The following KDM2A variants were observed in gnomAD, a reference collection of about 807,000 sequenced individuals.
The protein encoded by KDM2A is lysine-specific demethylase 2A.
Under a neutral mutation model 137.3 loss-of-function variants are expected in KDM2A, and 3 were observed. The observed-to-expected ratio is 0.02, with a 90% CI of 0.01 to 0.06. The LOEUF (loss-of-function observed/expected upper bound fraction) is 0.06. KDM2A is among the 10% of genes least tolerant of loss of function. The pLI is 1.00. For missense variants in KDM2A, 738 were observed against 1,510.6 expected, an observed-to-expected ratio of 0.49 and a Z score of 8.48; for synonymous variants, 512 against 541.5, an observed-to-expected ratio of 0.95 and a Z score of 0.76.
chr11:67,152,752 T>TA (rs1856422536), intron 2 of KDM2A, among the ~76,000 whole-genome samples: 1 of 152,228 alleles, frequency 6.6e-6, no homozygotes, highest in African/African-American at 2.4e-5. Context: ...TAGAATTTCA[T>TA]ATGGATCATT....
chr11:67,231,991 C>G, intron 12 of KDM2A, 31 bp downstream of exon 12: 1 of 1,570,574 alleles, frequency 6.4e-7, no homozygotes, highest in Non-Finnish European at 8.6e-7. Flanking sequence ...ATGACAGCTA[C>G]TGATCCAGCT....
intron 17 of KDM2A, chr11:67,252,331 C>T: frequency 4.1e-6 from 1 of 243,120 alleles, no homozygotes. Context: ...CTTCAAGAGG[C>T]TCCCTTATAT....
At chr11:67,156,645 G>T (rs921341580) in intron 2 of KDM2A, among the ~76,000 whole-genome samples, 1 of 151,452 alleles carries the variant, frequency 6.6e-6, no homozygotes, top group Non-Finnish European at 1.5e-5. Context: ...CGTGAACCCG[G>T]GAGGCTGAGC....
chr11:67,242,275 T>C (rs2136444642), intron 12 of KDM2A, among the ~76,000 whole-genome samples: 1 of 70,176 alleles, frequency 1.4e-5, no homozygotes, highest in African/African-American at 7.4e-5. Context: ...TGTGGGTGTG[T>C]GTATGTGTGT....
At chr11:67,125,955 A>T (rs1003184194) in intron 2 of KDM2A, among the ~76,000 whole-genome samples, 3 of 150,122 alleles carry the variant, frequency 2.0e-5, no homozygotes, top group Non-Finnish European at 3.0e-5. Context: ...AAAAAAAAAA[A>T]AAAAAAAAGG....
At chr11:67,153,813 C>CAA (rs199567529) in intron 2 of KDM2A, among the ~76,000 whole-genome samples, 72 of 79,524 alleles carry the variant, frequency 9.1e-4, no homozygotes, top group African/African-American at 2.2e-3. Context: ...GACCCTGTCT[C>CAA]AAAAAAAAAA....
rs751408295 is a variant in KDM2A, at chr11:67,254,913, G to A, written c.3347G>A (p.Arg1116Gln). Residue 1116 changes from arginine (R) to glutamine (Q), a missense_variant, in exon 21 of 21, where the codon CGG becomes CAG. By Grantham distance (43) the Arg-to-Gln change is conservative. Around this residue, in one of 9 missense-constraint regions of KDM2A, gnomAD observed 166 missense variants for 324.0 expected, o/e 0.51. Transcript: ENST00000529006. This position sits in a 1 kb window ranked among gnomAD's most constrained non-coding sequence, Gnocchi z 4.7. ...ACAGACCAGACCCTGATCTACCTAC[G>A]GCGCATTGCCAACGTCACCTTGATC... Reference protein sequence around the residue: ...KLTDQTLIYLRRIANVTLIDL... With the variant: ...KLTDQTLIYLQRIANVTLIDL... 8.1e-6 allele frequency: 13 copies of A among 1,613,828 alleles called. No individual in the cohort carries two copies. The highest frequency in any genetic ancestry group is 9.3e-6 in the Non-Finnish European group (11 of 1,179,892).
chr11:67,205,176 A>T (rs1565402956), intron 5 of KDM2A, among the ~76,000 whole-genome samples: 2 of 152,056 alleles, frequency 1.3e-5, no homozygotes, highest in Admixed American at 1.3e-4. Context: ...ATTATTTTCC[A>T]TTTTTTAAAT....
chr11:67,130,576 CA>C (rs1855830488), intron 2 of KDM2A, among the ~76,000 whole-genome samples: 1 of 152,072 alleles, frequency 6.6e-6, no homozygotes, highest in Non-Finnish European at 1.5e-5. Flanking sequence ...GTTATTAAGT[CA>C]AGGAATTGAT....
At chr11:67,138,122 C>T (rs865957678) in intron 2 of KDM2A, among the ~76,000 whole-genome samples, 6 of 152,038 alleles carry the variant, frequency 3.9e-5, no homozygotes, top group South Asian at 2.1e-4. Flanking sequence ...ATAGGACCAC[C>T]GTCACATATA....
At chr11:67,191,996 A>C (rs534141210) in intron 5 of KDM2A, among the ~76,000 whole-genome samples, 1 of 152,208 alleles carries the variant, frequency 6.6e-6, no homozygotes, top group African/African-American at 2.4e-5. Flanking sequence ...CTGTTTGTCA[A>C]ATATTTCAAA....
chr11:67,144,250 A>ATTT (rs780214487), intron 2 of KDM2A, among the ~76,000 whole-genome samples: 2 of 131,690 alleles, frequency 1.5e-5, no homozygotes, highest in Non-Finnish European at 3.3e-5. Flanking sequence ...TTGGCCTTAA[A>ATTT]TTTTTTTTTT....
At chr11:67,184,499 G>A (rs1156938355) in intron 5 of KDM2A, among the ~76,000 whole-genome samples, 1 of 151,896 alleles carries the variant, frequency 6.6e-6, no homozygotes, top group Non-Finnish European at 1.5e-5. Context: ...GTGGTGGTGG[G>A]CGCCTGTAAT....
chr11:67,125,757 C>T (rs1334040745), intron 2 of KDM2A, among the ~76,000 whole-genome samples: 2 of 140,138 alleles, frequency 1.4e-5, no homozygotes, highest in East Asian at 4.3e-4. Context: ...CCAGCCTGGG[C>T]GACAGAGTGA....
chr11:67,180,022 T>C, intron 2 of KDM2A, 57 bp from the exon 3 acceptor site: 1 of 1,561,498 alleles, frequency 6.4e-7, no homozygotes, highest in Non-Finnish European at 8.7e-7. Context: ...CTATGACCAC[T>C]TGTAGGTAGG....
intron 2 of KDM2A, among the ~76,000 whole-genome samples, chr11:67,174,401 CT>C (rs1304204829): frequency 2.0e-5 from 3 of 152,136 alleles, no homozygotes; most frequent in African/African-American, 7.2e-5. Flanking sequence ...TGCTTTTTTA[CT>C]TTTTAAATGT....
intron 2 of KDM2A, among the ~76,000 whole-genome samples, chr11:67,134,844 C>T (rs971647698): frequency 1.3e-5 from 2 of 152,116 alleles, no homozygotes; most frequent in African/African-American, 2.4e-5. Context: ...ATCTCAAAAG[C>T]AGTCTCACAT....
chr11:67,220,756 C>T (rs1010572599), intron 10 of KDM2A, among the ~76,000 whole-genome samples: 1 of 152,092 alleles, frequency 6.6e-6, no homozygotes, highest in South Asian at 2.1e-4. Context: ...CTGTTTAACC[C>T]TACCTTGTAG....
chr11:67,232,028 G>C, intron 12 of KDM2A, 68 bp downstream of exon 12: 1 of 1,474,842 alleles, frequency 6.8e-7, no homozygotes, highest in Non-Finnish European at 9.1e-7. Context: ...AGATTCAGAG[G>C]GAGAAAATAT....
Sources: gnomAD v4.1 joint callset for allele counts (sites outside exome capture counted in the v4.1 genomes callset) on GRCh38, gnomAD v4.1.1 for gene constraint, gnomAD v4.1.1 regional missense constraint, Gnocchi (gnomAD v3.1) non-coding constraint, MANE v1.5 for transcripts, NCBI Gene and HGNC (gene_info 2026-07-23, HGNC 2026-07-21) for gene names.